The following ALG1 variants were observed in gnomAD, a reference collection of about 807,000 sequenced individuals.
ALG1 encodes the protein chitobiosyldiphosphodolichol beta-mannosyltransferase.
ALG1 carries 58 observed loss-of-function variants against 55.1 expected under a neutral mutation model. That is an observed-to-expected ratio of 1.05 (90% CI 0.85 to 1.31). The LOEUF is 1.31. Among genes scored for constraint, ALG1 ranks in the 50% most tolerant of loss-of-function variants. The probability of loss-of-function intolerance (pLI) is 0.00; values close to 1 mark genes in which losing one functional copy is unlikely to be tolerated. For synonymous variants in ALG1, 309 were observed against 247.0 expected, an observed-to-expected ratio of 1.25 and a Z score of -2.35; for missense variants, 761 against 598.6, an observed-to-expected ratio of 1.27 and a Z score of -2.83.
rs11076869 is a variant in ALG1, at chr16:5,077,334, T to A, written c.540-111T>A. 929,844 of 948,312 alleles carry A rather than the reference T, an allele frequency of 0.98. 456,748 individuals are homozygous for A. Among genetic ancestry groups the A allele is most frequent in the East Asian group, 1 (41,329 of 41,332 alleles). 58.7% of individuals were successfully genotyped at this position (948,312 alleles called of 1,614,324 possible). On this transcript the variant is annotated intron_variant, in intron 4 of 12. Transcript: ENST00000262374. ...CTGGCACAGCTGGGGCTCAGGGAGC[T>A]CAAACTCTCCCAGCTCTGCGGCCTT...
rs1372216640 is a variant in ALG1 at position 5,086,758 on chromosome 16, C to A, written c.*1877C>A. The A allele has an allele frequency of 6.6e-6, 1 of 152,226 alleles. No homozygotes were observed. 9.4% of individuals were successfully genotyped at this position (152,226 alleles called of 1,614,324 possible). ...CAATCTCAGCTCACTGCAACGCCTC[C>A]CAGGTTCAAGTGATTCTCCTGCCTC... On this transcript the variant is annotated 3_prime_UTR_variant, in exon 13 of 13. Coordinates refer to ENST00000262374, the MANE Select transcript of ALG1 (RefSeq NM_019109.5).
At position 5,078,740 on chromosome 16, in the gene ALG1, T is replaced by C. The variant is rs757946127; in HGVS notation, c.741-17T>C. 2.5e-5 allele frequency: 41 copies of C among 1,612,594 alleles called. No individual in the cohort carries two copies. Among genetic ancestry groups the C allele is most frequent in the Non-Finnish European group, 3.2e-5 (38 of 1,179,798 alleles). On this transcript the variant is annotated splice_polypyrimidine_tract_variant and intron_variant, in intron 6 of 12. Transcript: ENST00000262374. ...CTGCTCTATGGCCTCTCACAGGCTTTTTTTCTGCTCCTTCAGCTCAGAACC... is the reference window on the plus strand; with the variant it reads ...CTGCTCTATGGCCTCTCACAGGCTTCTTTTCTGCTCCTTCAGCTCAGAACC...
chr16:5,085,136 T>G lies in ALG1; in HGVS notation c.*255T>G, dbSNP rs2142734496. 4.6e-6 allele frequency: 3 copies of G among 656,782 alleles called. No individual in the cohort carries two copies. The highest frequency in any genetic ancestry group is 5.1e-6 in the Non-Finnish European group (2 of 390,084). The allele number at this position is 656,782 out of a possible 1,614,324, so 40.7% of individuals were successfully genotyped here. On this transcript the variant is annotated 3_prime_UTR_variant, in exon 13 of 13. Transcript: ENST00000262374. Reference sequence around the variant, plus strand: ...ACGCCCCATGCCCCTGCTAGCGTATTACTGTTCTGTGACTTCCCTGTGACC... The same window carrying G: ...ACGCCCCATGCCCCTGCTAGCGTATGACTGTTCTGTGACTTCCCTGTGACC...
Position 5,071,957 on chromosome 16 carries a change from A to G in ALG1, c.108A>G (p.Val36=). Reference sequence around the variant, plus strand: ...GGGGGCGGGCGGCCCGGCATGTAGTAGCGGTGGTGCTGGGCGACGTGGGCC... The same window carrying G: ...GGGGGCGGGCGGCCCGGCATGTAGTGGCGGTGGTGCTGGGCGACGTGGGCC... ...WRRGRAARHV[V]AVVLGDVGRS... Residue 36 remains valine, a synonymous_variant, in exon 1 of 13, where the codon GTA becomes GTG. Coordinates refer to ENST00000262374, the MANE Select transcript of ALG1 (RefSeq NM_019109.5). The G allele has an allele frequency of 1.3e-6, 2 of 1,588,826 alleles. No homozygotes were observed. The highest frequency in any genetic ancestry group is 1.7e-6 in the Non-Finnish European group (2 of 1,167,752).
chr16:5,076,751 G>C (rs912658748), intron 4 of ALG1, among the ~76,000 whole-genome samples: 2 of 151,964 alleles, frequency 1.3e-5, no homozygotes, highest in Admixed American at 6.6e-5. Flanking sequence ...GGTAGCACAG[G>C]GTGGCTGAGA....
Position 5,071,866 on chromosome 16 carries a change from TG to T in ALG1, c.19del (p.Val7SerfsTer29). MAASC[L>X]VLLALCLLLP... ...CCAGCCAAGATGGCGGCCTCATGCT[TG>T]GTCCTGCTGGCGCTGTGTCTGCTGC... On this transcript the variant is annotated frameshift_variant, in exon 1 of 13. Coordinates refer to ENST00000262374, the MANE Select transcript of ALG1 (RefSeq NM_019109.5). LOFTEE classifies it high-confidence loss of function. 6.2e-7 allele frequency: 1 copy of T among 1,604,940 alleles called. No individual in the cohort carries two copies. The highest frequency in any genetic ancestry group is 8.5e-7 in the Non-Finnish European group (1 of 1,178,522).
chr16:5,077,986 C>G lies in ALG1; in HGVS notation c.709C>G (p.Leu237Val), dbSNP rs1956945028. 3.1e-6 allele frequency: 5 copies of G among 1,601,872 alleles called. No individual in the cohort carries two copies. Among genetic ancestry groups the G allele is most frequent in the Non-Finnish European group, 4.2e-6 (5 of 1,179,788 alleles). The change falls in exon 6 of 13, where the codon CTG becomes GTG. Residue 237 changes from leucine (L) to valine (V), a missense_variant. Leu to Val is a conservative substitution (Grantham distance 32). Coordinates refer to ENST00000262374, the MANE Select transcript of ALG1 (RefSeq NM_019109.5). Reference sequence around the variant, plus strand: ...CCTGCAGCACCGGCTCTTCATGAAGCTGGGCAGCATGCACTCTCCGTTCAG... The same window carrying G: ...CCTGCAGCACCGGCTCTTCATGAAGGTGGGCAGCATGCACTCTCCGTTCAG... The part of the protein sequence containing the change: ...LDLQHRLFMK[L>V]GSMHSPFRAR...
rs1409038764 is a variant in ALG1 at position 5,087,103 on chromosome 16, T to C, written c.*2222T>C. 1 of 152,240 alleles carries C rather than the reference T, an allele frequency of 6.6e-6. No homozygotes were observed. The highest frequency in any genetic ancestry group is 6.5e-5 in the Admixed American group (1 of 15,286). 9.4% of individuals were successfully genotyped at this position (152,240 alleles called of 1,614,324 possible). On this transcript the variant is annotated 3_prime_UTR_variant, in exon 13 of 13. Transcript: ENST00000262374. The stretch of plus-strand genomic sequence containing the variant: ...GCCATCCAAGGATGGCACCTGTTAA[T>C]GTGTATATCAGGGATGTCCAATCTT...
intron 6 of ALG1, chr16:5,078,428 A>T (rs1014965740): frequency 6.7e-6 from 4 of 600,628 alleles, no homozygotes; most frequent in African/African-American, 5.5e-5. Flanking sequence ...GTGCAGGTCT[A>T]CGCACCCTGA....
chr16:5,080,563 T>G (rs1377897310), intron 9 of ALG1, among the ~76,000 whole-genome samples: 1 of 152,144 alleles, frequency 6.6e-6, no homozygotes, highest in Non-Finnish European at 1.5e-5. Context: ...CCAGGAGTGG[T>G]TTGGAACCCG....
chr16:5,079,980 G>A (rs1956987666), intron 9 of ALG1, among the ~76,000 whole-genome samples, 173 bp downstream of exon 9: 1 of 152,040 alleles, frequency 6.6e-6, no homozygotes, highest in South Asian at 2.1e-4. Context: ...AGGCAGGGCA[G>A]GGAGCCCAGA....
At position 5,082,620 on chromosome 16, in the gene ALG1, G is replaced by A; in HGVS notation, c.1134G>A (p.Lys378=). ...CCAGTGGCCTGGACCTGCCCATGAAGGTGGTGGACATGTTCGGGTGCTGTT... is the reference window on the plus strand; with the variant it reads ...CCAGTGGCCTGGACCTGCCCATGAAAGTGGTGGACATGTTCGGGTGCTGTT... ...TSSSGLDLPM[K]VVDMFGCCLP... The change falls in exon 11 of 13, where the codon AAG becomes AAA. Residue 378 remains lysine (K), a synonymous_variant. Transcript: ENST00000262374. 2 of 1,612,030 alleles carry A rather than the reference G, an allele frequency of 1.2e-6. No homozygotes were observed. Among genetic ancestry groups the A allele is most frequent in the Non-Finnish European group, 1.7e-6 (2 of 1,179,860 alleles).
Position 5,077,949 on chromosome 16 carries a change from G to T in ALG1, c.672G>T (p.Glu224Asp), listed in dbSNP as rs61745616. 3.1e-6 allele frequency: 5 copies of T among 1,606,208 alleles called. No individual in the cohort carries two copies. The highest frequency in any genetic ancestry group is 1.7e-5 in the Admixed American group (1 of 60,000). ...ACAAGCCCGCATCTTTCTTTAAAGA[G>T]ACACCTCTGGACCTGCAGCACCGGC... ...VYDKPASFFKETPLDLQHRLF... is the reference protein window; with the variant it reads ...VYDKPASFFKDTPLDLQHRLF... The change falls in exon 6 of 13, where the codon GAG becomes GAT. Residue 224 changes from glutamate to aspartate, a missense_variant. By Grantham distance (45) the Glu-to-Asp change is conservative. Coordinates refer to ENST00000262374, the MANE Select transcript of ALG1 (RefSeq NM_019109.5).
At chr16:5,081,519 C>T (rs1347320994) in intron 10 of ALG1, among the ~76,000 whole-genome samples, 5 of 152,218 alleles carry the variant, frequency 3.3e-5, no homozygotes, top group Admixed American at 6.5e-5. Context: ...CTTCCAGCTT[C>T]GAGTGAGCAG....
At position 5,073,166 on chromosome 16, in the gene ALG1, T is replaced by G. The variant is rs1460804835; in HGVS notation, c.300T>G (p.Val100=). 15 of 1,614,054 alleles carry G rather than the reference T, an allele frequency of 9.3e-6. No individual in the cohort carries two copies. The highest frequency in any genetic ancestry group is 1.3e-5 in the Non-Finnish European group (15 of 1,180,028). ...ELQSLAVGPR[V]FQYGVKVVLQ... is the part of the protein sequence containing the mutation. ...TCTGACTTGCAGTTGGGCCCCGAGT[T>G]TTCCAGTACGGAGTCAAAGTTGTAC... The change falls in exon 3 of 13, where the codon GTT becomes GTG. Residue 100 remains valine, a synonymous_variant. Coordinates refer to ENST00000262374, the MANE Select transcript of ALG1 (RefSeq NM_019109.5).
At chr16:5,084,383 T>C (rs1957074852) in intron 12 of ALG1, 3 of 430,392 alleles carry the variant, frequency 7.0e-6, no homozygotes, top group South Asian at 6.7e-5. Flanking sequence ...TGATCCTTGA[T>C]TCAGACAGTT....
intron 12 of ALG1, chr16:5,084,409 G>A: frequency 4.1e-6 from 2 of 486,736 alleles, no homozygotes; most frequent in South Asian, 4.2e-5. Context: ...AGGCTGCAAA[G>A]AACACCGACA....
chr16:5,079,515 C>A (rs111443238), intron 8 of ALG1, among the ~76,000 whole-genome samples: 5 of 152,138 alleles, frequency 3.3e-5, no homozygotes, highest in Non-Finnish European at 7.3e-5. Flanking sequence ...CAGGGCGAAA[C>A]CTGTCTCTAC....
In ALG1 at chr16:5,072,076, G is replaced by A. The variant is rs1302494707; in HGVS notation, c.208+19G>A. 1.3e-6 allele frequency: 2 copies of A among 1,558,088 alleles called. No homozygotes were observed. Among genetic ancestry groups the A allele is most frequent in the Non-Finnish European group, 1.7e-6 (2 of 1,150,890 alleles). On this transcript the variant is annotated intron_variant, in intron 1 of 12. Transcript: ENST00000262374. ...TTCTGCAGTGAGTGGCCAAGGGTCT[G>A]GGAGGGACGATGCTCTCTCAGCCGT... is the stretch of plus-strand genomic sequence containing the variant.
Sources: allele counts gnomAD v4.1 joint callset (sites outside exome capture counted in the v4.1 genomes callset), GRCh38; gene constraint gnomAD v4.1.1; transcripts MANE v1.5; gene names NCBI Gene and HGNC (gene_info 2026-07-23, HGNC 2026-07-21).